LRBA: variants seen among roughly 807,000 people sequenced by gnomAD.
The protein encoded by LRBA is lipopolysaccharide-responsive and beige-like anchor protein.
In LRBA, 176 loss-of-function variants were observed where a neutral mutation model predicts 330.0. That is an observed-to-expected ratio of 0.53 (90% CI 0.47 to 0.60). LRBA has a LOEUF of 0.60. Among genes scored for constraint, LRBA ranks in the 20% least tolerant of loss-of-function variants. The probability of loss-of-function intolerance (pLI) is 0.00; values close to 1 mark genes in which losing one functional copy is unlikely to be tolerated. For missense variants in LRBA, 3,259 were observed against 3,444.8 expected, an observed-to-expected ratio of 0.95 and a Z score of 1.35; for synonymous variants, 1,230 against 1,193.0, an observed-to-expected ratio of 1.03 and a Z score of -0.64.
chr4:150,404,505 C>A (rs1014765832), intron 47 of LRBA, among the ~76,000 whole-genome samples: 3 of 152,102 alleles, frequency 2.0e-5, no homozygotes, highest in Non-Finnish European at 4.4e-5. Context: ...ATAAGAAGAA[C>A]ATGTGGCAGG....
intron 40 of LRBA, among the ~76,000 whole-genome samples, chr4:150,553,308 G>A (rs187080807): frequency 6.6e-6 from 1 of 151,922 alleles, no homozygotes; most frequent in East Asian, 1.9e-4. Flanking sequence ...CACACACCAG[G>A]GCCTGTCGTG....
chr4:150,418,836 G>C (rs1748154805), intron 46 of LRBA, among the ~76,000 whole-genome samples: 1 of 152,262 alleles, frequency 6.6e-6, no homozygotes. Flanking sequence ...TAAGCAAACA[G>C]AGAGTATATG....
intron 47 of LRBA, among the ~76,000 whole-genome samples, chr4:150,364,963 A>C (rs903598879): frequency 2.6e-5 from 4 of 151,930 alleles, no homozygotes; most frequent in African/African-American, 9.7e-5. Flanking sequence ...TCATAAATAT[A>C]TATCATAATA....
rs1231978850 is a variant in LRBA at position 150,410,766 on chromosome 4, T to A, written c.7194+4672A>T. Among the ~76,000 whole-genome samples, 3 of 152,194 alleles carry A rather than the reference T, an allele frequency of 2.0e-5. No individual in the cohort carries two copies. The East Asian group carries it at 5.8e-4, about 29-fold the overall frequency. ...AATGAATGAACTATTATAATTTGAA[T>A]CAATTATGTATATTATGTATCTTTT... On this transcript the variant is annotated intron_variant, in intron 47 of 56. Transcript: ENST00000651943.
intron 37 of LRBA, among the ~76,000 whole-genome samples, chr4:150,623,018 C>T (rs1454583688): frequency 6.6e-6 from 1 of 152,064 alleles, no homozygotes; most frequent in Non-Finnish European, 1.5e-5. Flanking sequence ...GGCTGATTTC[C>T]TCTCTCCCCT....
At chr4:150,821,823 G>T (rs1258129422) in intron 30 of LRBA, among the ~76,000 whole-genome samples, 4 of 152,070 alleles carry the variant, frequency 2.6e-5, no homozygotes, top group African/African-American at 9.7e-5. Flanking sequence ...AAGAATTTTG[G>T]CATGGGAATG....
chr4:150,868,103 G>C (rs1752961388), intron 21 of LRBA, 79 bp downstream of exon 21: 1 of 1,378,942 alleles, frequency 7.3e-7, no homozygotes, highest in East Asian at 2.3e-5. Flanking sequence ...TATTTTTAAA[G>C]CAATTTTTCT....
intron 36 of LRBA, among the ~76,000 whole-genome samples, chr4:150,685,251 A>AT (rs562729531): frequency 3.1e-4 from 46 of 148,956 alleles, no homozygotes; most frequent in Non-Finnish European, 4.9e-4. Flanking sequence ...CTTTTTAAAG[A>AT]TTTTTTTTTA....
chr4:150,534,655 G>A (rs1764448238), intron 40 of LRBA, among the ~76,000 whole-genome samples: 2 of 150,326 alleles, frequency 1.3e-5, no homozygotes, highest in African/African-American at 4.9e-5. Context: ...ATGCTACTAA[G>A]TTTATATTAC....
chr4:150,856,168 G>A (rs1462459028), intron 22 of LRBA, among the ~76,000 whole-genome samples: 1 of 152,154 alleles, frequency 6.6e-6, no homozygotes, highest in Non-Finnish European at 1.5e-5. Context: ...AGAATCTTCA[G>A]GTGATTCACA....
At chr4:150,975,112 G>A (rs1739999566) in intron 2 of LRBA, among the ~76,000 whole-genome samples, 1 of 152,118 alleles carries the variant, frequency 6.6e-6, no homozygotes, top group South Asian at 2.1e-4. Flanking sequence ...AAAAAACTAT[G>A]AATTTCAAGA....
chr4:150,666,883 A>G (rs892311302), intron 37 of LRBA, among the ~76,000 whole-genome samples: 11 of 152,196 alleles, frequency 7.2e-5, no homozygotes, highest in African/African-American at 2.7e-4. Context: ...ACCCAGGACT[A>G]TGTAATACAT....
At chr4:150,400,954 A>G (rs184203920) in intron 47 of LRBA, among the ~76,000 whole-genome samples, 10 of 152,360 alleles carry the variant, frequency 6.6e-5, no homozygotes, top group Non-Finnish European at 1.5e-4. Context: ...TTGGAGTCTT[A>G]AACTCCAGTA....
At chr4:150,710,126 T>C (rs1786033888) in intron 36 of LRBA, among the ~76,000 whole-genome samples, 1 of 152,084 alleles carries the variant, frequency 6.6e-6, no homozygotes, top group Non-Finnish European at 1.5e-5. Context: ...TCCAAATGTT[T>C]TGAACTATAG....
At chr4:150,959,403 G>A (rs1344501813) in intron 2 of LRBA, among the ~76,000 whole-genome samples, 1 of 149,178 alleles carries the variant, frequency 6.7e-6, no homozygotes, top group East Asian at 1.9e-4. Flanking sequence ...TATGATAGCT[G>A]GTTCAAGGTC....
chr4:150,637,749 C>A (rs745498366), intron 37 of LRBA, among the ~76,000 whole-genome samples: 1 of 152,120 alleles, frequency 6.6e-6, no homozygotes, highest in Non-Finnish European at 1.5e-5. Context: ...CAGATGAGAA[C>A]CCAGCCTGCG....
intron 29 of LRBA, 68 bp from the exon 30 acceptor site, chr4:150,828,689 TTC>T (rs1265703079): frequency 5.2e-5 from 71 of 1,367,710 alleles, no homozygotes; most frequent in Non-Finnish European, 6.6e-5. Flanking sequence ...AAAAGGTATA[TTC>T]TGTTTTAATA....
intron 36 of LRBA, among the ~76,000 whole-genome samples, chr4:150,710,347 G>C (rs1360467680): frequency 6.6e-6 from 1 of 152,088 alleles, no homozygotes; most frequent in African/African-American, 2.4e-5. Context: ...TACAGTTTTA[G>C]AAAGTCTCTC....
At chr4:150,293,430 T>C (rs571236879) in intron 53 of LRBA, among the ~76,000 whole-genome samples, 15 of 152,344 alleles carry the variant, frequency 9.8e-5, no homozygotes, top group African/African-American at 3.1e-4. Context: ...CTTCACCAAA[T>C]CTTTTCCCTT....
Sources: allele counts gnomAD v4.1 joint callset (sites outside exome capture counted in the v4.1 genomes callset), GRCh38; gene constraint gnomAD v4.1.1; transcripts MANE v1.5; gene names NCBI Gene and HGNC (gene_info 2026-07-23, HGNC 2026-07-21).